The following OR1J2 variants were observed in gnomAD, a reference collection of about 807,000 sequenced individuals.
OR1J2 encodes the protein olfactory receptor family 1 subfamily J member 2, also known as olfactory receptor 1J2.
For synonymous variants in OR1J2, 142 were observed against 99.7 expected, an observed-to-expected ratio of 1.42 and a Z score of -2.52; for missense variants, 304 against 246.1, an observed-to-expected ratio of 1.24 and a Z score of -1.57.
the OR1J2 span, among the ~76,000 whole-genome samples, chr9:122,518,458 C>G: frequency 6.6e-6 from 1 of 152,224 alleles, no homozygotes; most frequent in Admixed American, 6.5e-5. Flanking sequence ...CCTGCTGAGT[C>G]CTCACATGGC....
At chr9:122,508,480 T>C (rs1421188785), upstream of OR1J2, among the ~76,000 whole-genome samples, 1 of 152,132 alleles carries the variant, frequency 6.6e-6, no homozygotes, top group East Asian at 1.9e-4. Context: ...TTAAAGGAAA[T>C]TTTATTAAAG....
At chr9:122,477,225 T>G in the OR1J2 span, 1 of 1,614,076 alleles carries the variant, frequency 6.2e-7, no homozygotes, top group Admixed American at 1.7e-5. Flanking sequence ...AGGCTTTGCA[T>G]ATGCCCTTGG....
chr9:122,576,223 A>AT, the OR1J2 span, among the ~76,000 whole-genome samples: 12 of 150,628 alleles, frequency 8.0e-5, no homozygotes, highest in Admixed American at 2.0e-4. Flanking sequence ...TCTTTTTTAC[A>AT]TTTTTTTTTA....
chr9:122,483,952 A>G, the OR1J2 span, among the ~76,000 whole-genome samples: 1 of 152,208 alleles, frequency 6.6e-6, no homozygotes, highest in Admixed American at 6.5e-5. Flanking sequence ...AATTTGTCTC[A>G]GGTAAACCCA....
the OR1J2 span, among the ~76,000 whole-genome samples, chr9:122,502,647 T>C: frequency 6.6e-6 from 1 of 151,698 alleles, no homozygotes; most frequent in Non-Finnish European, 1.5e-5. Flanking sequence ...AGTTGTTAAG[T>C]AGGGTCAAGT....
At chr9:122,517,301 G>T in the OR1J2 span, among the ~76,000 whole-genome samples, 4 of 152,162 alleles carry the variant, frequency 2.6e-5, no homozygotes, top group Admixed American at 6.5e-5. Flanking sequence ...GCCTTAAAAT[G>T]CTGGAGTGAG....
At chr9:122,578,878 G>A in the OR1J2 span, among the ~76,000 whole-genome samples, 5 of 151,962 alleles carry the variant, frequency 3.3e-5, no homozygotes, top group Admixed American at 6.6e-5. Context: ...GCACCAAAAT[G>A]TCAGAAATCA....
At chr9:122,500,063 A>G in the OR1J2 span, among the ~76,000 whole-genome samples, 1 of 152,224 alleles carries the variant, frequency 6.6e-6, no homozygotes, top group East Asian at 1.9e-4. Context: ...TGTGTTCTAG[A>G]GCAGGTGCTC....
downstream of OR1J2, among the ~76,000 whole-genome samples, chr9:122,512,147 TC>T (rs1024778776): frequency 6.6e-6 from 1 of 152,226 alleles, no homozygotes; most frequent in Non-Finnish European, 1.5e-5. Context: ...CTGAGTGGTA[TC>T]ATTAGTGAAG....
At chr9:122,516,372 C>T (rs1200766959), downstream of OR1J2, among the ~76,000 whole-genome samples, 2 of 138,070 alleles carry the variant, frequency 1.4e-5, no homozygotes, top group Admixed American at 7.8e-5. Flanking sequence ...GGCGGGATCT[C>T]GGCTCACTGC....
chr9:122,469,957 A>G, the OR1J2 span, among the ~76,000 whole-genome samples: 2 of 152,206 alleles, frequency 1.3e-5, no homozygotes, highest in African/African-American at 4.8e-5. Flanking sequence ...GGGTGCTTCT[A>G]AAGGCATTCA....
the OR1J2 span, chr9:122,527,418 T>C: frequency 1.6e-6 from 1 of 617,420 alleles, no homozygotes; most frequent in Non-Finnish European, 2.8e-6. Context: ...TTTATCTTCA[T>C]TCTGATCCTG....
chr9:122,502,193 A>C, the OR1J2 span, among the ~76,000 whole-genome samples: 2 of 152,224 alleles, frequency 1.3e-5, no homozygotes, highest in Admixed American at 1.3e-4. Context: ...AGTAAGGTAA[A>C]TAGTTATGAG....
the OR1J2 span, among the ~76,000 whole-genome samples, chr9:122,489,011 C>A: frequency 5.9e-5 from 9 of 151,560 alleles, no homozygotes; most frequent in Non-Finnish European, 1.0e-4. Flanking sequence ...CTAACCCCCC[C>A]ACCCATTGAC....
At chr9:122,529,630 A>G in the OR1J2 span, among the ~76,000 whole-genome samples, 1 of 152,150 alleles carries the variant, frequency 6.6e-6, no homozygotes, top group Non-Finnish European at 1.5e-5. Flanking sequence ...CTCTTTCCCT[A>G]AAAGGGTTTC....
At chr9:122,480,376 A>G in the OR1J2 span, among the ~76,000 whole-genome samples, 2 of 151,902 alleles carry the variant, frequency 1.3e-5, no homozygotes, top group Non-Finnish European at 2.9e-5. Context: ...GAAAAATAAT[A>G]CTATATCCCT....
At chr9:122,564,975 C>T in the OR1J2 span, among the ~76,000 whole-genome samples, 1 of 152,106 alleles carries the variant, frequency 6.6e-6, no homozygotes, top group Non-Finnish European at 1.5e-5. Context: ...AGTCTGAACT[C>T]ATTGGTAGGA....
chr9:122,576,621 T>G, the OR1J2 span: 1 of 152,150 alleles, frequency 6.6e-6, no homozygotes, highest in Non-Finnish European at 1.5e-5. Context: ...ATCTTCACTG[T>G]GAGAACCAGG....
rs1420803989 is a variant in OR1J2, at chr9:122,511,714, T to C, written c.913T>C (p.Phe305Leu). 1 of 781,040 alleles carries C rather than the reference T, an allele frequency of 1.3e-6. No individual in the cohort carries two copies. Among genetic ancestry groups the C allele is most frequent in the Non-Finnish European group, 2.4e-6 (1 of 418,118 alleles). The allele number at this position is 781,040 out of a possible 1,614,324, so 48.4% of individuals were successfully genotyped here. The change falls in exon 1 of 1, where the codon TTC becomes CTC. Residue 305 changes from phenylalanine (F) to leucine (L), a missense_variant. By Grantham distance (22) the Phe-to-Leu change is conservative. Transcript: ENST00000335302. Reference sequence around the variant, plus strand: ...CATGAAAGAGGCCCTTGGGAAACTCTTCAGTAGAGCAACATTTTTCTCTTG... The same window carrying C: ...CATGAAAGAGGCCCTTGGGAAACTCCTCAGTAGAGCAACATTTTTCTCTTG... ...RDMKEALGKL[F>L]SRATFFSW is the part of the protein sequence containing the mutation.
Sources: allele counts gnomAD v4.1 joint callset (sites outside exome capture counted in the v4.1 genomes callset), GRCh38; gene constraint gnomAD v4.1.1; transcripts MANE v1.5; gene names NCBI Gene and HGNC (gene_info 2026-07-23, HGNC 2026-07-21).